The following STK39 variants were observed in gnomAD, a reference collection of about 807,000 sequenced individuals.
The protein encoded by STK39 is serine/threonine kinase 39.
Under a neutral mutation model 77.8 loss-of-function variants are expected in STK39, and 20 were observed. The ratio of observed to expected loss-of-function variants is 0.26; its 90% CI spans 0.18 to 0.37. STK39 has a LOEUF of 0.37. STK39 is among the 10% of genes least tolerant of loss of function. The probability of loss-of-function intolerance (pLI) is 1.00; values close to 1 mark genes in which losing one functional copy is unlikely to be tolerated. For missense variants in STK39, 479 were observed against 656.5 expected (o/e 0.73, Z 2.95); for synonymous variants, 246 against 234.1 (o/e 1.05, Z -0.47).
chr2:168,152,490 G>A (rs562281896), intron 5 of STK39, among the ~76,000 whole-genome samples: 14 of 152,292 alleles, frequency 9.2e-5, no homozygotes, highest in African/African-American at 2.9e-4. Context: ...ACTGAGCCCC[G>A]GCGCTCCTCA....
intron 17 of STK39, among the ~76,000 whole-genome samples, chr2:167,959,621 A>G (rs1364201671): frequency 1.3e-5 from 2 of 152,188 alleles, no homozygotes; most frequent in Non-Finnish European, 2.9e-5. Flanking sequence ...GAAGACTGTC[A>G]ATGTACACCC....
chr2:168,181,771 T>C (rs1689087362), intron 2 of STK39, among the ~76,000 whole-genome samples: 1 of 152,132 alleles, frequency 6.6e-6, no homozygotes, highest in East Asian at 1.9e-4. Context: ...AAAATACTGT[T>C]TCTCAAAGCA....
At chr2:168,014,313 C>T (rs181789205) in intron 15 of STK39, among the ~76,000 whole-genome samples, 66 of 152,064 alleles carry the variant, frequency 4.3e-4, no homozygotes, top group Non-Finnish European at 8.1e-4. Context: ...AGGGAGACGC[C>T]ATCTCTACAA....
At chr2:168,244,042 A>T (rs1021416603) in intron 1 of STK39, among the ~76,000 whole-genome samples, 41 of 152,194 alleles carry the variant, frequency 2.7e-4, no homozygotes, top group Non-Finnish European at 7.3e-5. Flanking sequence ...CAATGTCTGG[A>T]AGAAGGAATT....
intron 16 of STK39, among the ~76,000 whole-genome samples, chr2:167,971,682 T>C (rs1692349066): frequency 6.6e-6 from 1 of 152,170 alleles, no homozygotes; most frequent in Admixed American, 6.5e-5. Context: ...CATTTAAAAA[T>C]GAAAAATTAA....
At chr2:168,241,584 A>C (rs1156700574) in intron 1 of STK39, among the ~76,000 whole-genome samples, 1 of 152,202 alleles carries the variant, frequency 6.6e-6, no homozygotes, top group Non-Finnish European at 1.5e-5. Flanking sequence ...CTCCCCTTGT[A>C]AGCCCCTTCC....
intron 16 of STK39, among the ~76,000 whole-genome samples, chr2:167,997,960 G>A (rs550758647): frequency 4.1e-4 from 63 of 152,244 alleles, no homozygotes; most frequent in Admixed American, 5.2e-4. Context: ...CGAATTGTGG[G>A]GGATGTTATT....
chr2:167,971,266 A>T (rs1692336879), intron 16 of STK39, among the ~76,000 whole-genome samples: 1 of 152,132 alleles, frequency 6.6e-6, no homozygotes, highest in Non-Finnish European at 1.5e-5. Context: ...CATGACACAA[A>T]CTGGACTGGG....
chr2:168,098,632 G>A (rs1237705380), intron 10 of STK39, among the ~76,000 whole-genome samples: 1 of 151,928 alleles, frequency 6.6e-6, no homozygotes, highest in African/African-American at 2.4e-5. Context: ...TCCCATTTTT[G>A]CCATCTGCAG....
intron 14 of STK39, among the ~76,000 whole-genome samples, chr2:168,034,351 A>T (rs1684899392): frequency 6.6e-6 from 1 of 152,240 alleles, no homozygotes; most frequent in Admixed American, 6.5e-5. Context: ...TGTTGCCCTT[A>T]TAAATAAATT....
At chr2:168,246,377 A>AATACCTGACTCTGCCAGGT (rs1275617665) in intron 1 of STK39, among the ~76,000 whole-genome samples, 3 of 152,252 alleles carry the variant, frequency 2.0e-5, no homozygotes, top group Non-Finnish European at 4.4e-5. Flanking sequence ...GGTATTTAAA[A>AATACCTGACTCTGCCAGGT]ATGTAAGATA....
chr2:167,965,298 G>T (rs1429852021), intron 16 of STK39, among the ~76,000 whole-genome samples: 1 of 152,214 alleles, frequency 6.6e-6, no homozygotes, highest in East Asian at 1.9e-4. Flanking sequence ...AGAGCACAGT[G>T]ATCTGTCAAA....
intron 16 of STK39, among the ~76,000 whole-genome samples, chr2:167,979,648 C>T (rs1453561358): frequency 6.6e-6 from 1 of 152,152 alleles, no homozygotes; most frequent in Non-Finnish European, 1.5e-5. Context: ...GCAGGTCATC[C>T]AGTAGATGAA....
intron 14 of STK39, among the ~76,000 whole-genome samples, chr2:168,032,873 TTC>T (rs1389617009): frequency 6.6e-6 from 1 of 152,254 alleles, no homozygotes; most frequent in East Asian, 1.9e-4. Flanking sequence ...TAACCATTGA[TTC>T]TCTGTCAACT....
At chr2:168,117,818 T>C (rs560232415) in intron 10 of STK39, among the ~76,000 whole-genome samples, 1 of 152,252 alleles carries the variant, frequency 6.6e-6, no homozygotes, top group South Asian at 2.1e-4. Flanking sequence ...GAGTGATCCC[T>C]TACCTCCAAG....
chr2:168,138,021 C>A, intron 8 of STK39, 67 bp downstream of exon 8: 1 of 1,549,904 alleles, frequency 6.5e-7, no homozygotes, highest in South Asian at 1.3e-5. Context: ...AGCCTTTCCC[C>A]ATCTACAAAC....
chr2:167,994,239 T>C (rs940327913), intron 16 of STK39, among the ~76,000 whole-genome samples: 1 of 152,228 alleles, frequency 6.6e-6, no homozygotes, highest in East Asian at 1.9e-4. Flanking sequence ...ATAAGGATTG[T>C]TCCACCATCA....
intron 1 of STK39, among the ~76,000 whole-genome samples, chr2:168,202,273 C>T (rs1008699182): frequency 6.6e-6 from 1 of 152,196 alleles, no homozygotes; most frequent in African/African-American, 2.4e-5. Flanking sequence ...AAACCATCAT[C>T]AAATTCAAAC....
chr2:168,246,420 G>C (rs1690900400), intron 1 of STK39, among the ~76,000 whole-genome samples: 1 of 152,258 alleles, frequency 6.6e-6, no homozygotes, highest in Non-Finnish European at 1.5e-5. Context: ...AGAAGGCAAC[G>C]AAAGGCAGAG....
Sources: allele counts gnomAD v4.1 joint callset (sites outside exome capture counted in the v4.1 genomes callset), GRCh38; gene constraint gnomAD v4.1.1; transcripts MANE v1.5; gene names NCBI Gene and HGNC (gene_info 2026-07-23, HGNC 2026-07-21).